Variants in GPR63 observed in about 807,000 individuals in gnomAD.
GPR63 encodes probable G protein-coupled receptor 63.
A neutral mutation model predicts 23.1 loss-of-function variants in GPR63; 12 were observed. The ratio of observed to expected loss-of-function variants is 0.52; its 90% CI spans 0.33 to 0.84. GPR63 has a LOEUF of 0.84. Ranked by LOEUF, GPR63 falls within the 40% of genes least tolerant of loss-of-function variation. The pLI, the probability that GPR63 is intolerant of heterozygous loss-of-function variation, is 0.02. For synonymous variants in GPR63, 172 were observed against 191.1 expected, an observed-to-expected ratio of 0.90 and a Z score of 0.82; for missense variants, 472 against 515.6, an observed-to-expected ratio of 0.92 and a Z score of 0.82.
At chr6:96,827,390 A>T (rs528557221) in intron 1 of GPR63, among the ~76,000 whole-genome samples, 1 of 152,150 alleles carries the variant, frequency 6.6e-6, no homozygotes, top group East Asian at 1.9e-4. Flanking sequence ...GAACTAAGGA[A>T]GAAAAACATA....
In GPR63 at chr6:96,799,238, A is replaced by T. The variant is rs941321896; in HGVS notation, c.494T>A (p.Val165Glu). 1 of 1,614,188 alleles carries T rather than the reference A, an allele frequency of 6.2e-7. No homozygotes were observed. The highest frequency in any genetic ancestry group is 1.7e-5 in the Admixed American group (1 of 60,026). Residue 165 changes from valine (V) to glutamate (E), a missense_variant, in exon 2 of 2, where the codon GTG (valine) becomes GAG (glutamate). Coordinates refer to ENST00000229955, the MANE Select transcript of GPR63 (RefSeq NM_030784.4). ...RVSAMFFWLF[V>E]IEGVAILLII... ...GAGCAGGATGGCTACTCCTTCTATC[A>T]CAAATAACCAGAAAAACATAGCAGA...
At chr6:96,830,022 CAG>C in intron 1 of GPR63, among the ~76,000 whole-genome samples, 1 of 152,084 alleles carries the variant, frequency 6.6e-6, no homozygotes, top group South Asian at 2.1e-4. Context: ...AAAAATATAA[CAG>C]TGAGCAAATG....
In GPR63 at chr6:96,796,628, G is replaced by A. The variant is rs1773585512; in HGVS notation, c.*1844C>T. ...AAACTTGTTCTAGGCTCAGACGAGG[G>A]TTCATTTTCCCTTCTTTGTAGGAGA... is the stretch of plus-strand genomic sequence containing the variant. On this transcript the variant is annotated 3_prime_UTR_variant, in exon 2 of 2. Transcript: ENST00000229955. The A allele has an allele frequency of 6.6e-6, 1 of 152,128 alleles. No homozygotes were observed. Among genetic ancestry groups the A allele is most frequent in the African/African-American group, 2.4e-5 (1 of 41,428 alleles). 9.4% of individuals were successfully genotyped at this position (152,128 alleles called of 1,614,324 possible). A position where few individuals can be genotyped will look rare whatever the true frequency, so the allele number is the denominator to read the frequency against.
chr6:96,801,128 A>C (rs1477136480), intron 1 of GPR63, among the ~76,000 whole-genome samples: 1 of 152,186 alleles, frequency 6.6e-6, no homozygotes, highest in African/African-American at 2.4e-5. Context: ...ATAAGCTCTT[A>C]AGAGACTGGG....
intron 1 of GPR63, among the ~76,000 whole-genome samples, chr6:96,817,346 A>AATAT (rs147893007): frequency 6.6e-6 from 1 of 151,394 alleles, no homozygotes; most frequent in East Asian, 1.9e-4. Context: ...TAAAGTTGAA[A>AATAT]ATATATATAT....
rs1272989030 is a variant in GPR63, at chr6:96,796,607, T to C, written c.*1865A>G. 2.0e-5 allele frequency: 3 copies of C among 152,306 alleles called. No individual in the cohort carries two copies. Among genetic ancestry groups the C allele is most frequent in the East Asian group, 3.9e-4 (2 of 5,178 alleles). 9.4% of individuals were successfully genotyped at this position (152,306 alleles called of 1,614,324 possible). A position where few individuals can be genotyped will look rare whatever the true frequency, so the allele number is the denominator to read the frequency against. On this transcript the variant is annotated 3_prime_UTR_variant, in exon 2 of 2. Coordinates refer to ENST00000229955, the MANE Select transcript of GPR63 (RefSeq NM_030784.4). ...AATGTCAGACATGCCCTATTAAAACTTGTTCTAGGCTCAGACGAGGGTTCA... is the reference window on the plus strand; with the variant it reads ...AATGTCAGACATGCCCTATTAAAACCTGTTCTAGGCTCAGACGAGGGTTCA...
rs1474148049 is a variant in GPR63 at position 96,798,722 on chromosome 6, G to A, written c.1010C>T (p.Ala337Val). The change falls in exon 2 of 2, where the codon GCA (alanine) becomes GTA (valine). Residue 337 changes from alanine to valine, a missense_variant. Physicochemically the swap from Ala to Val is moderately conservative, Grantham distance 64. Transcript: ENST00000229955. ...WAPFTTYSLV[A>V]TFSKHFYYQH... ...ATAGTAAAAGTGCTTACTGAATGTT[G>A]CCACAAGGCTGTAAGTGGTGAATGG... 1 of 1,614,180 alleles carries A rather than the reference G, an allele frequency of 6.2e-7. No homozygotes were observed. Among genetic ancestry groups the A allele is most frequent in the Admixed American group, 1.7e-5 (1 of 60,022 alleles).
chr6:96,823,156 T>C (rs1562123922), intron 1 of GPR63, among the ~76,000 whole-genome samples: 1 of 152,212 alleles, frequency 6.6e-6, no homozygotes, highest in South Asian at 2.1e-4. Flanking sequence ...ATGTATTTAC[T>C]ACTCTATATT....
rs1449623450 is a variant in GPR63, at chr6:96,798,621, AG to A, written c.1110del (p.Tyr371ThrfsTer15). On this transcript the variant is annotated frameshift_variant, in exon 2 of 2. Coordinates refer to ENST00000229955, the MANE Select transcript of GPR63 (RefSeq NM_030784.4). LOFTEE classifies it high-confidence loss of function. ...TGGAATTTCTTAATCCTCCAGTAGT[AG>A]ATCAGCGGATTCAATGCAGACTTGA... ...CYLKSALNPL[I>X]YYWRIKKFHD... The A allele has an allele frequency of 1.2e-6, 2 of 1,614,248 alleles. No individual in the cohort carries two copies. The highest frequency in any genetic ancestry group is 1.7e-6 in the Non-Finnish European group (2 of 1,180,030).
intron 1 of GPR63, among the ~76,000 whole-genome samples, chr6:96,817,079 T>C (rs1774182885): frequency 6.6e-6 from 1 of 152,040 alleles, no homozygotes; most frequent in Admixed American, 6.6e-5. Flanking sequence ...CAGAAGACAT[T>C]TGCAATCACT....
intron 1 of GPR63, among the ~76,000 whole-genome samples, chr6:96,805,816 G>T (rs1254517889): frequency 2.6e-5 from 4 of 152,198 alleles, no homozygotes; most frequent in Admixed American, 6.5e-5. Flanking sequence ...TCAAGGACTT[G>T]CAAGAAGAAG....
intron 1 of GPR63, among the ~76,000 whole-genome samples, chr6:96,825,680 A>G (rs1774422309): frequency 6.6e-6 from 1 of 152,164 alleles, no homozygotes; most frequent in Non-Finnish European, 1.5e-5. Flanking sequence ...GAAAATGTAA[A>G]AAGAGCACAG....
chr6:96,798,280 G>A lies in GPR63; in HGVS notation c.*192C>T, dbSNP rs975557680. On this transcript the variant is annotated 3_prime_UTR_variant, in exon 2 of 2. Transcript: ENST00000229955. Reference sequence around the variant, plus strand: ...TGAGGATTTCTATTGAACCCTGGAGGTAATATTTGTAATCACTTTCCTATT... The same window carrying A: ...TGAGGATTTCTATTGAACCCTGGAGATAATATTTGTAATCACTTTCCTATT... The A allele has an allele frequency of 1.5e-5, 9 of 586,342 alleles. No individual in the cohort carries two copies. The African/African-American group carries it at 1.7e-4, about 11-fold the overall frequency. The allele number at this position is 586,342 out of a possible 1,614,324, so 36.3% of individuals were successfully genotyped here. A position where few individuals can be genotyped will look rare whatever the true frequency, so the allele number is the denominator to read the frequency against.
At chr6:96,811,942 ATACTC>A (rs1159359784) in intron 1 of GPR63, among the ~76,000 whole-genome samples, 4 of 151,996 alleles carry the variant, frequency 2.6e-5, no homozygotes, top group African/African-American at 9.7e-5. Flanking sequence ...ATTAAAATGA[ATACTC>A]TATAAATTTA....
intron 1 of GPR63, among the ~76,000 whole-genome samples, chr6:96,810,225 G>T (rs4839873): frequency 0.22 from 34,168 of 152,056 alleles, 4,513 homozygotes; most frequent in East Asian, 0.37. Flanking sequence ...CTGGGGCGCG[G>T]TGGCTCACAC....
At chr6:96,819,845 G>A (rs553291648) in intron 1 of GPR63, among the ~76,000 whole-genome samples, 2 of 151,068 alleles carry the variant, frequency 1.3e-5, no homozygotes, top group Non-Finnish European at 1.5e-5. Context: ...GCGTGGTGGC[G>A]GGCGCCTGTA....
At chr6:96,832,146 T>C (rs1344099611) in intron 1 of GPR63, among the ~76,000 whole-genome samples, 1 of 152,070 alleles carries the variant, frequency 6.6e-6, no homozygotes, top group Non-Finnish European at 1.5e-5. Flanking sequence ...AATTAAAATA[T>C]CATAGTATTT....
chr6:96,803,659 C>T (rs185473644), intron 1 of GPR63, among the ~76,000 whole-genome samples: 5 of 152,282 alleles, frequency 3.3e-5, no homozygotes, highest in South Asian at 2.1e-4. Flanking sequence ...TGAATGCTCA[C>T]AGTAACTACA....
chr6:96,820,193 ACT>A (rs933568584), intron 1 of GPR63, among the ~76,000 whole-genome samples: 1 of 151,994 alleles, frequency 6.6e-6, no homozygotes, highest in African/African-American at 2.4e-5. Flanking sequence ...CTTAAAAAAA[ACT>A]CTGTTCCTTA....
Sources: gnomAD v4.1 joint callset for allele counts (sites outside exome capture counted in the v4.1 genomes callset) on GRCh38, gnomAD v4.1.1 for gene constraint, MANE v1.5 for transcripts, NCBI Gene and HGNC (gene_info 2026-07-23, HGNC 2026-07-21) for gene names.